Variants in MTR observed in about 807,000 individuals in gnomAD.
MTR encodes the protein 5-methyltetrahydrofolate-homocysteine methyltransferase, also known as methionine synthase.
Under a neutral mutation model 154.8 loss-of-function variants are expected in MTR, and 84 were observed. The ratio of observed to expected loss-of-function variants is 0.54; its 90% confidence interval spans 0.45 to 0.65. MTR has a LOEUF of 0.65. MTR is among the 30% of genes least tolerant of loss of function. MTR has a pLI of 0.00. For synonymous variants in MTR, 554 were observed against 553.9 expected, an observed-to-expected ratio of 1.00 and a Z score of 0.00; for missense variants, 1,275 against 1,570.2, an observed-to-expected ratio of 0.81 and a Z score of 3.18.
intron 7 of MTR, among the ~76,000 whole-genome samples, chr1:236,816,087 AAAC>A (rs1377520055): frequency 3.3e-5 from 5 of 152,340 alleles, no homozygotes; most frequent in African/African-American, 1.2e-4. Flanking sequence ...AATTGAATCA[AAAC>A]AAGGGTGTTA....
At chr1:236,866,338 G>A (rs1254408118) in intron 22 of MTR, among the ~76,000 whole-genome samples, 1 of 151,928 alleles carries the variant, frequency 6.6e-6, no homozygotes, top group Non-Finnish European at 1.5e-5. Context: ...TTGTTTTGGG[G>A]TACCATGAAC....
chr1:236,868,369 AGT>A lies in MTR; in HGVS notation c.2405+4819_2405+4820del, dbSNP rs61238147. ...TTGCACACATAATAGAGTACAGTAT[AGT>A]GTGAACATAACTTTTATATGCATTG... On this transcript the variant is annotated intron_variant, in intron 22 of 32. Coordinates refer to ENST00000366577, the MANE Select transcript of MTR (RefSeq NM_000254.3). Among the ~76,000 whole-genome samples, 141 of 152,320 alleles carry A rather than the reference AGT, an allele frequency of 9.3e-4. 1 individual carries two copies. The highest frequency in any genetic ancestry group is 3.3e-3 in the African/African-American group (138 of 41,566).
intron 18 of MTR, among the ~76,000 whole-genome samples, chr1:236,853,929 A>G (rs1473547227): frequency 6.6e-6 from 1 of 152,228 alleles, no homozygotes; most frequent in Non-Finnish European, 1.5e-5. Context: ...GTTTAAGGAA[A>G]GTTGAGATCT....
intron 8 of MTR, chr1:236,820,070 T>C: frequency 1.3e-6 from 1 of 780,432 alleles, no homozygotes; most frequent in South Asian, 1.3e-5. Flanking sequence ...CTGCCTACCA[T>C]TGCGCTGTGT....
rs1665948819 is a variant in MTR, at chr1:236,885,196, C to T, written c.2752C>T (p.Gln918Ter). The change falls in exon 26 of 33, where the codon CAG (glutamine) becomes TAG (stop). Residue 918 changes from glutamine to a stop codon, truncating the protein, a stop_gained. Transcript: ENST00000366577. LOFTEE classifies it high-confidence loss of function. ...EIMEEYEDIR[Q>*]DHYESLKERR... ...CATGGAAGAATATGAAGATATTAGA[C>T]AGGACCATTATGAGTCTCTCAAGGT... The T allele has an allele frequency of 6.2e-7, 1 of 1,602,530 alleles. No individual in the cohort carries two copies. The highest frequency in any genetic ancestry group is 1.3e-5 in the African/African-American group (1 of 74,746).
chr1:236,857,453 C>T (rs772482671), intron 18 of MTR, among the ~76,000 whole-genome samples: 1 of 152,310 alleles, frequency 6.6e-6, no homozygotes, highest in East Asian at 1.9e-4. Flanking sequence ...ATAATGTCTC[C>T]CCCTTCTGCC....
intron 22 of MTR, among the ~76,000 whole-genome samples, chr1:236,865,662 T>C (rs1450145275): frequency 1.3e-5 from 2 of 152,338 alleles, no homozygotes; most frequent in East Asian, 1.9e-4. Context: ...GAAGATATGA[T>C]GCAATAGAAT....
chr1:236,799,986 A>G (rs1660619259), intron 1 of MTR: 2 of 899,684 alleles, frequency 2.2e-6, no homozygotes, highest in Non-Finnish European at 2.7e-6. Flanking sequence ...CAGAATTTGC[A>G]TGTGTGGGGC....
intron 24 of MTR, among the ~76,000 whole-genome samples, chr1:236,879,475 G>A (rs1452591108): frequency 1.3e-5 from 2 of 152,184 alleles, no homozygotes; most frequent in Non-Finnish European, 2.9e-5. Context: ...AGCACTTGAG[G>A]AAGAGTACTG....
At chr1:236,873,985 T>A in intron 23 of MTR, 145 bp downstream of exon 23, 1 of 770,858 alleles carries the variant, frequency 1.3e-6, no homozygotes, top group Non-Finnish European at 2.2e-6. Flanking sequence ...TGCACCAGGT[T>A]GCTTTCATTG....
intron 8 of MTR, among the ~76,000 whole-genome samples, chr1:236,821,882 A>G (rs1661974079): frequency 6.6e-6 from 1 of 152,114 alleles, no homozygotes; most frequent in Admixed American, 6.5e-5. Flanking sequence ...GTGTGGTTCT[A>G]TTTCTGGACT....
intron 24 of MTR, among the ~76,000 whole-genome samples, chr1:236,875,258 G>A (rs778286166): frequency 3.9e-5 from 6 of 152,166 alleles, no homozygotes; most frequent in African/African-American, 1.4e-4. Flanking sequence ...ATGATTACAG[G>A]TTCCTTTGAA....
At chr1:236,838,014 C>T (rs1414534942) in intron 14 of MTR, among the ~76,000 whole-genome samples, 5 of 152,032 alleles carry the variant, frequency 3.3e-5, no homozygotes, top group Admixed American at 6.6e-5. Flanking sequence ...AATAACTTGG[C>T]TAGAGGGCTG....
In MTR at chr1:236,889,184, A is replaced by C. The variant is rs550823647; in HGVS notation, c.2855A>C (p.Lys952Thr). Residue 952 changes from lysine (K) to threonine (T), a missense_variant, in exon 28 of 33, where the codon AAG becomes ACG. Coordinates refer to ENST00000366577, the MANE Select transcript of MTR (RefSeq NM_000254.3). ...MDWLSEPHPV[K>T]PTFIGTQVFE... is the part of the protein sequence containing the mutation. ...CAACCATACTTCTCTCCTGTAGTGAAGCCCACGTTTATTGGGACCCAGGTC... is the reference window on the plus strand; with the variant it reads ...CAACCATACTTCTCTCCTGTAGTGACGCCCACGTTTATTGGGACCCAGGTC... 6.2e-7 allele frequency: 1 copy of C among 1,614,062 alleles called. No homozygotes were observed. The highest frequency in any genetic ancestry group is 1.3e-5 in the African/African-American group (1 of 74,934).
At chr1:236,798,274 C>G (rs1660512463) in intron 1 of MTR, among the ~76,000 whole-genome samples, 1 of 152,218 alleles carries the variant, frequency 6.6e-6, no homozygotes, top group Admixed American at 6.5e-5. Context: ...GTGTTCTTGA[C>G]ACTGCAATTT....
intron 20 of MTR, among the ~76,000 whole-genome samples, chr1:236,861,899 C>T (rs774377604): frequency 8.6e-5 from 13 of 152,036 alleles, no homozygotes; most frequent in African/African-American, 2.4e-4. Context: ...GGAATGAGCT[C>T]ATGGTGGAGA....
At chr1:236,797,929 T>A (rs60038485) in intron 1 of MTR, among the ~76,000 whole-genome samples, 1 of 148,218 alleles carries the variant, frequency 6.7e-6, no homozygotes, top group South Asian at 2.1e-4. Context: ...CTGCACTCCA[T>A]CCTGGGTGAG....
At chr1:236,812,068 A>G (rs559843532) in intron 5 of MTR, among the ~76,000 whole-genome samples, 5 of 152,308 alleles carry the variant, frequency 3.3e-5, no homozygotes, top group African/African-American at 1.2e-4. Flanking sequence ...TTTAAAGTAG[A>G]GTTGGGGTTT....
At chr1:236,891,568 T>G (rs1178999876) in intron 29 of MTR, among the ~76,000 whole-genome samples, 1 of 151,922 alleles carries the variant, frequency 6.6e-6, no homozygotes, top group East Asian at 1.9e-4. Flanking sequence ...TTTAATATTG[T>G]GTTCCATGGA....
Sources: gnomAD v4.1 joint callset for allele counts (sites outside exome capture counted in the v4.1 genomes callset) on GRCh38, gnomAD v4.1.1 for gene constraint, MANE v1.5 for transcripts, NCBI Gene and HGNC (gene_info 2026-07-23, HGNC 2026-07-21) for gene names.